Variants in NEAT1 observed in about 807,000 individuals in gnomAD.
NEAT1 encodes MENepsilon/beta.
At chr11:65,429,605 T>C (rs557537357) in exon 1 of NEAT1, 1 of 152,322 alleles carries the variant, frequency 6.6e-6, no homozygotes, top group East Asian at 1.9e-4. Flanking sequence ...TCTTTTGTTA[T>C]ATTTGATGCA....
rs543965878 is a variant in NEAT1, at chr11:65,443,031, C to T, written n.20234C>T. On this transcript the variant is annotated non_coding_transcript_exon_variant, in exon 1 of 1. Transcript: ENST00000501122. ...GTGGCTCCCTTTCTTCATTGATTAA[C>T]GTATGATTATTTTTATAAATGTTCC... is the stretch of plus-strand genomic sequence containing the variant. 4 of 152,276 alleles carry T rather than the reference C, an allele frequency of 2.6e-5. No homozygotes were observed. The South Asian group carries it at 8.3e-4, about 32-fold the overall frequency. 9.4% of individuals were successfully genotyped at this position (152,276 alleles called of 1,614,324 possible).
chr11:65,426,149 T>C lies in NEAT1; in HGVS notation n.3352T>C, dbSNP rs1335439251. Reference sequence around the variant, plus strand: ...GTAAAGTAATACCAATGGCTTTTTATCATTTCCTTCTTCCCTTTAAGTTTC... The same window carrying C: ...GTAAAGTAATACCAATGGCTTTTTACCATTTCCTTCTTCCCTTTAAGTTTC... On this transcript the variant is annotated non_coding_transcript_exon_variant, in exon 1 of 1. Coordinates refer to ENST00000501122, the Ensembl canonical transcript of NEAT1. The C allele has an allele frequency of 2.6e-5, 4 of 152,214 alleles. No homozygotes were observed. The East Asian group carries it at 7.7e-4, about 29-fold the overall frequency. The allele number at this position is 152,214 out of a possible 1,614,324, so 9.4% of individuals were successfully genotyped here.
chr11:65,444,910 G>A, exon 1 of NEAT1: 1 of 212,450 alleles, frequency 4.7e-6, no homozygotes, highest in Non-Finnish European at 9.7e-6. Context: ...CAGGTGCTTG[G>A]GGCCCAGCAG....
At chr11:65,426,981 A>G (rs1424596603) in exon 1 of NEAT1, 4 of 152,128 alleles carry the variant, frequency 2.6e-5, no homozygotes, top group Non-Finnish European at 4.4e-5. Context: ...GTCTAAGTGT[A>G]TGCGTAATTC....
chr11:65,432,729 C>T (rs182503629), exon 1 of NEAT1: 5 of 143,328 alleles, frequency 3.5e-5, no homozygotes, highest in Admixed American at 7.0e-5. Flanking sequence ...GTACAAATGG[C>T]TTTTGGTCAT....
At chr11:65,434,580 C>T (rs879916848) in exon 1 of NEAT1, 2 of 152,164 alleles carry the variant, frequency 1.3e-5, no homozygotes, top group African/African-American at 4.8e-5. Context: ...TGGAAATTTA[C>T]AGTATTCTAA....
chr11:65,433,218 A>G (rs1165954126), exon 1 of NEAT1: 2 of 152,140 alleles, frequency 1.3e-5, no homozygotes, highest in African/African-American at 4.8e-5. Context: ...TGGGATTGCT[A>G]GATCAAATGG....
chr11:65,429,935 G>A (rs957869422), exon 1 of NEAT1: 1 of 152,212 alleles, frequency 6.6e-6, no homozygotes, highest in African/African-American at 2.4e-5. Context: ...ACAGTGGCAG[G>A]GTTCAATTCA....
At chr11:65,426,710 C>G (rs1856565685) in exon 1 of NEAT1, 1 of 152,130 alleles carries the variant, frequency 6.6e-6, no homozygotes, top group South Asian at 2.1e-4. Context: ...GGTCTGCAGA[C>G]TGCTGAGTGG....
At chr11:65,435,420 G>C (rs1856649544) in exon 1 of NEAT1, 1 of 152,126 alleles carries the variant, frequency 6.6e-6, no homozygotes, top group African/African-American at 2.4e-5. Flanking sequence ...AAGGTGTACT[G>C]TTATTTTTAT....
At chr11:65,423,948 G>A (rs1856533081) in exon 1 of NEAT1, 1 of 152,322 alleles carries the variant, frequency 6.6e-6, no homozygotes, top group Admixed American at 6.5e-5. Flanking sequence ...CATGGACCGT[G>A]GTTTGTTACT....
exon 1 of NEAT1, chr11:65,423,342 C>G (rs1046242741): frequency 1.3e-5 from 2 of 152,360 alleles, no homozygotes; most frequent in Middle Eastern, 3.4e-3. Context: ...TCTTGTGGAA[C>G]TGAACTTAGC....
chr11:65,435,428 T>A (rs1221597448), exon 1 of NEAT1: 1 of 152,238 alleles, frequency 6.6e-6, no homozygotes, highest in Non-Finnish European at 1.5e-5. Flanking sequence ...CTGTTATTTT[T>A]ATGGCTCTAT....
chr11:65,423,401 G>A (rs1856521271), exon 1 of NEAT1: 1 of 152,110 alleles, frequency 6.6e-6, no homozygotes, highest in Admixed American at 6.5e-5. Context: ...ATTTTCGCTC[G>A]GCCTGGGACG....
exon 1 of NEAT1, chr11:65,444,247 C>T (rs1856742401): frequency 6.0e-6 from 2 of 332,152 alleles, no homozygotes; most frequent in Non-Finnish European, 1.2e-5. Context: ...TCGGAGCCCA[C>T]CTGGTAGTCC....
At chr11:65,434,204 C>CGTTG (rs1856637543) in exon 1 of NEAT1, 5 of 152,118 alleles carry the variant, frequency 3.3e-5, no homozygotes, top group Admixed American at 3.3e-4. Context: ...CTCAGCCTCT[C>CGTTG]AACAACACTG....
exon 1 of NEAT1, chr11:65,437,224 TATAC>T (rs1020140467): frequency 5.6e-5 from 8 of 143,274 alleles, no homozygotes; most frequent in African/African-American, 2.1e-4. Context: ...TATATATATA[TATAC>T]ATATATATAT....
At chr11:65,440,932 G>A (rs1043656525) in exon 1 of NEAT1, 3 of 151,578 alleles carry the variant, frequency 2.0e-5, no homozygotes, top group African/African-American at 7.3e-5. Context: ...GGCAGGTTTT[G>A]GGTAGGATAG....
exon 1 of NEAT1, chr11:65,442,696 A>G (rs1427399276): frequency 1.3e-5 from 2 of 152,262 alleles, no homozygotes; most frequent in Non-Finnish European, 2.9e-5. Flanking sequence ...CCTGGCCAAT[A>G]TGGTAAAACC....
Sources: allele counts gnomAD v4.1 joint callset, GRCh38; gene constraint gnomAD v4.1.1; transcripts MANE v1.5; gene names NCBI Gene and HGNC (gene_info 2026-07-23, HGNC 2026-07-21).